The following BICDL1 variants were observed in gnomAD, a reference collection of about 807,000 sequenced individuals.
BICDL1 encodes BICD family-like cargo adapter 1.
BICDL1 carries 20 observed loss-of-function variants against 76.8 expected under a neutral mutation model. The ratio of observed to expected loss-of-function variants is 0.26; its 90% CI spans 0.18 to 0.38. The LOEUF (loss-of-function observed/expected upper bound fraction) is 0.38, where lower values mean the gene tolerates loss of function less well. Among genes scored for constraint, BICDL1 ranks in the 10% least tolerant of loss-of-function variants. BICDL1 has a pLI of 1.00. For missense variants in BICDL1, 700 were observed against 798.6 expected, an observed-to-expected ratio of 0.88 and a Z score of 1.49; for synonymous variants, 383 against 337.1, an observed-to-expected ratio of 1.14 and a Z score of -1.49.
intron 2 of BICDL1, among the ~76,000 whole-genome samples, chr12:120,057,537 GT>G (rs1323501815): frequency 6.6e-6 from 1 of 152,188 alleles, no homozygotes; most frequent in African/African-American, 2.4e-5. Flanking sequence ...TTTAATTTAT[GT>G]GCAGAAATAG....
At chr12:120,050,659 T>C (rs1272877282) in intron 2 of BICDL1, among the ~76,000 whole-genome samples, 1 of 151,978 alleles carries the variant, frequency 6.6e-6, no homozygotes, top group Non-Finnish European at 1.5e-5. Context: ...TGTTTTTGCT[T>C]GAGACAGAGT....
At chr12:120,013,620 C>T (rs1594114523) in intron 2 of BICDL1, among the ~76,000 whole-genome samples, 1 of 152,014 alleles carries the variant, frequency 6.6e-6, no homozygotes, top group South Asian at 2.1e-4. Flanking sequence ...CGCCACCACG[C>T]CTGGCTAATT....
At chr12:120,085,356 A>G (rs573591999) in intron 8 of BICDL1, among the ~76,000 whole-genome samples, 100 of 152,272 alleles carry the variant, frequency 6.6e-4, no homozygotes, top group Admixed American at 2.1e-3. Context: ...GTAAGCCAAG[A>G]TTGCACCACT....
chr12:120,068,430 T>A (rs1393541190), intron 4 of BICDL1, among the ~76,000 whole-genome samples: 2 of 152,294 alleles, frequency 1.3e-5, no homozygotes, highest in African/African-American at 4.8e-5. Flanking sequence ...TGGCATGTGG[T>A]CGTGTGTCTA....
At chr12:120,077,944 C>T (rs1175822052) in intron 7 of BICDL1, among the ~76,000 whole-genome samples, 2 of 152,190 alleles carry the variant, frequency 1.3e-5, no homozygotes, top group Admixed American at 6.5e-5. Flanking sequence ...GCATTCCAGC[C>T]GCACAGCCTG....
chr12:119,997,061 G>A (rs1951665167), intron 1 of BICDL1, among the ~76,000 whole-genome samples: 1 of 151,044 alleles, frequency 6.6e-6, no homozygotes, highest in Non-Finnish European at 1.5e-5. Flanking sequence ...CCATTCTCCT[G>A]CCTCAGCCTC....
chr12:120,093,029 G>A lies in BICDL1; in HGVS notation c.1734G>A (p.Gln578=). The stretch of plus-strand genomic sequence containing the variant: ...ACATGCACAGGGTCATTGACCGGCA[G>A]CTGATGGACACGCACCTGAAAGAAC... The part of the protein sequence containing the change: ...QDDMHRVIDR[Q]LMDTHLKERS... The change falls in exon 10 of 10, where the codon CAG becomes CAA. Residue 578 remains glutamine (Q), a synonymous_variant. Transcript: ENST00000548673. 1 of 1,586,252 alleles carries A rather than the reference G, an allele frequency of 6.3e-7. No homozygotes were observed. The highest frequency in any genetic ancestry group is 8.6e-7 in the Non-Finnish European group (1 of 1,164,364).
intron 1 of BICDL1, among the ~76,000 whole-genome samples, chr12:119,998,182 T>G (rs1201285375): frequency 6.6e-6 from 1 of 152,156 alleles, no homozygotes; most frequent in Non-Finnish European, 1.5e-5. Flanking sequence ...GTGGGACTCA[T>G]TTTTAGTTGT....
chr12:120,071,343 T>C lies in BICDL1; in HGVS notation c.910-279T>C, dbSNP rs1873089970. The stretch of plus-strand genomic sequence containing the variant: ...TTTTAGTAGAGGCAGGGTTTCATCA[T>C]GTTGGCCAGGCTGGTCTCATACTCC... On this transcript the variant is annotated intron_variant, in intron 4 of 9. Transcript: ENST00000548673. This position sits in a 1 kb window ranked among gnomAD's most constrained non-coding sequence, Gnocchi z 4.8. Among the ~76,000 whole-genome samples, 1 of 152,026 alleles carries C rather than the reference T, an allele frequency of 6.6e-6. No individual in the cohort carries two copies. The highest frequency in any genetic ancestry group is 2.4e-5 in the African/African-American group (1 of 41,414).
chr12:120,080,011 A>G (rs1873844722), intron 7 of BICDL1, among the ~76,000 whole-genome samples: 1 of 152,256 alleles, frequency 6.6e-6, no homozygotes, highest in African/African-American at 2.4e-5. Flanking sequence ...GAGTGCCCCC[A>G]AAATGGGAAG....
intron 2 of BICDL1, among the ~76,000 whole-genome samples, chr12:120,042,290 G>A (rs184098868): frequency 5.3e-5 from 8 of 152,290 alleles, no homozygotes; most frequent in Admixed American, 5.2e-4. Context: ...CACAGGATGT[G>A]TGGATGGGTT....
chr12:120,048,857 T>C (rs1046805302), intron 2 of BICDL1, among the ~76,000 whole-genome samples: 1 of 152,182 alleles, frequency 6.6e-6, no homozygotes, highest in African/African-American at 2.4e-5. Context: ...GTGTCTACTC[T>C]AGTTTCTTGG....
chr12:120,057,078 C>T (rs1952990521), intron 2 of BICDL1: 6 of 522,208 alleles, frequency 1.1e-5, no homozygotes, highest in Non-Finnish European at 2.3e-5. Context: ...TCCTCCTCCA[C>T]CTCTGATGCA....
At chr12:120,087,889 C>A (rs1464355230) in intron 8 of BICDL1, among the ~76,000 whole-genome samples, 1 of 152,216 alleles carries the variant, frequency 6.6e-6, no homozygotes, top group East Asian at 1.9e-4. Flanking sequence ...CCAGAGATAA[C>A]CAACTAGACA....
At chr12:120,012,133 TCTC>T (rs1292086717) in intron 2 of BICDL1, among the ~76,000 whole-genome samples, 1 of 152,132 alleles carries the variant, frequency 6.6e-6, no homozygotes, top group African/African-American at 2.4e-5. Context: ...GAGGGCGGCT[TCTC>T]CTCTCACCCA....
intron 2 of BICDL1, among the ~76,000 whole-genome samples, chr12:120,007,634 A>G (rs1165047709): frequency 6.6e-6 from 1 of 152,256 alleles, no homozygotes; most frequent in Admixed American, 6.5e-5. Context: ...TACAGTTTGC[A>G]TACTAGCTGA....
intron 2 of BICDL1, among the ~76,000 whole-genome samples, chr12:120,047,843 T>G (rs1293532063): frequency 6.6e-6 from 1 of 152,198 alleles, no homozygotes; most frequent in African/African-American, 2.4e-5. Context: ...ATACAAATAT[T>G]TATTCTGTGC....
intron 2 of BICDL1, among the ~76,000 whole-genome samples, chr12:119,999,286 A>G (rs1354534895): frequency 6.6e-6 from 1 of 152,170 alleles, no homozygotes. Context: ...GAGTTTTCTC[A>G]TTTTTAAAAT....
chr12:120,012,933 T>C (rs1002502310), intron 2 of BICDL1, among the ~76,000 whole-genome samples: 1 of 152,190 alleles, frequency 6.6e-6, no homozygotes, highest in African/African-American at 2.4e-5. Context: ...GGGCTATACA[T>C]GGAATATCAT....
Sources: gnomAD v4.1 joint callset for allele counts (sites outside exome capture counted in the v4.1 genomes callset) on GRCh38, gnomAD v4.1.1 for gene constraint, Gnocchi (gnomAD v3.1) non-coding constraint, MANE v1.5 for transcripts, NCBI Gene and HGNC (gene_info 2026-07-23, HGNC 2026-07-21) for gene names.